The following MREG variants were observed in gnomAD, a reference collection of about 807,000 sequenced individuals.
MREG encodes melanoregulin, also known as dilute suppressor protein homolog.
A neutral mutation model predicts 28.5 loss-of-function variants in MREG; 31 were observed. The observed-to-expected ratio is 1.09, with a 90% confidence interval of 0.82 to 1.47. MREG has a LOEUF of 1.47. MREG is among the 40% of genes most tolerant of loss of function. The pLI is 0.00. For missense variants in MREG, 256 were observed against 257.4 expected (o/e 0.99, Z 0.04); for synonymous variants, 106 against 95.2 (o/e 1.11, Z -0.66).
At chr2:216,028,914 T>A (rs1344694) in intron 1 of MREG, among the ~76,000 whole-genome samples, 1 of 151,550 alleles carries the variant, frequency 6.6e-6, no homozygotes. Flanking sequence ...AAAAAGAACA[T>A]AAAAAGGAAG....
chr2:216,015,200 CGT>C (rs944930027), upstream of MREG, among the ~76,000 whole-genome samples: 5 of 151,306 alleles, frequency 3.3e-5, no homozygotes, highest in Admixed American at 2.0e-4. Flanking sequence ...TGTGCGTGTG[CGT>C]GTGTGTGTTG....
chr2:216,022,899 C>T (rs1392307958), intron 1 of MREG, among the ~76,000 whole-genome samples: 1 of 152,222 alleles, frequency 6.6e-6, no homozygotes, highest in Non-Finnish European at 1.5e-5. Flanking sequence ...GCATCAAAAA[C>T]TGTAGTAGGA....
chr2:215,989,091 C>A (rs546080990), intron 2 of MREG, among the ~76,000 whole-genome samples: 1 of 152,298 alleles, frequency 6.6e-6, no homozygotes, highest in South Asian at 2.1e-4. Context: ...CCTATGCCTC[C>A]TGACCAGGAG....
chr2:216,014,774 AAAT>A (rs1368619269), upstream of MREG, among the ~76,000 whole-genome samples: 7 of 152,152 alleles, frequency 4.6e-5, no homozygotes, highest in Non-Finnish European at 8.8e-5. Flanking sequence ...CTCCCCAAAG[AAAT>A]AATCCGAATT....
chr2:215,994,390 C>T (rs972097944), intron 2 of MREG, among the ~76,000 whole-genome samples: 17 of 151,280 alleles, frequency 1.1e-4, no homozygotes, highest in South Asian at 6.2e-4. Context: ...GGGAGGGGAA[C>T]GTCACACACT....
At chr2:216,019,173 A>G (rs1200578970) in intron 1 of MREG, among the ~76,000 whole-genome samples, 2 of 152,158 alleles carry the variant, frequency 1.3e-5, no homozygotes, top group Non-Finnish European at 2.9e-5. Context: ...ATAACTTGTC[A>G]ATCAATACTA....
At chr2:215,956,163 CAGAT>C (rs1236400907) in intron 2 of MREG, among the ~76,000 whole-genome samples, 1 of 152,168 alleles carries the variant, frequency 6.6e-6, no homozygotes, top group African/African-American at 2.4e-5. Flanking sequence ...GCCAAAGCAG[CAGAT>C]CCAGGGATCA....
At chr2:215,950,345 C>T (rs1405344389) in intron 2 of MREG, among the ~76,000 whole-genome samples, 2 of 152,282 alleles carry the variant, frequency 1.3e-5, no homozygotes, top group East Asian at 3.9e-4. Flanking sequence ...AGTCATTTTG[C>T]TATTCCTAAA....
chr2:216,029,477 A>G (rs917625426), intron 1 of MREG, among the ~76,000 whole-genome samples: 2 of 152,208 alleles, frequency 1.3e-5, no homozygotes, highest in Non-Finnish European at 2.9e-5. Flanking sequence ...CTCCATCTCA[A>G]AAGAAGGATT....
intron 2 of MREG, among the ~76,000 whole-genome samples, chr2:215,958,905 T>A (rs1692706349): frequency 6.6e-6 from 1 of 152,140 alleles, no homozygotes; most frequent in South Asian, 2.1e-4. Flanking sequence ...CTGAGTGCCA[T>A]GGGTAGTAAG....
At chr2:215,987,654 G>A (rs1693608866) in intron 2 of MREG, among the ~76,000 whole-genome samples, 1 of 152,148 alleles carries the variant, frequency 6.6e-6, no homozygotes, top group Non-Finnish European at 1.5e-5. Flanking sequence ...GCCTAGGCAG[G>A]TGGATCACCT....
intron 2 of MREG, among the ~76,000 whole-genome samples, chr2:215,976,708 G>C (rs1693270857): frequency 1.3e-5 from 2 of 152,198 alleles, no homozygotes; most frequent in Non-Finnish European, 2.9e-5. Flanking sequence ...AGCCAGAAGA[G>C]AGTGGGGGCC....
intron 2 of MREG, among the ~76,000 whole-genome samples, chr2:215,963,262 C>G (rs902968810): frequency 1.3e-5 from 2 of 151,740 alleles, no homozygotes; most frequent in African/African-American, 4.8e-5. Flanking sequence ...GAGTTCAGAC[C>G]AGCCTGGGCA....
At chr2:215,978,057 A>T (rs1425564945) in intron 2 of MREG, among the ~76,000 whole-genome samples, 3 of 152,274 alleles carry the variant, frequency 2.0e-5, no homozygotes, top group African/African-American at 7.2e-5. Context: ...GAGATAGAGA[A>T]ACAAAAAAAC....
At chr2:215,991,274 C>A (rs1389143344) in intron 2 of MREG, among the ~76,000 whole-genome samples, 1 of 152,152 alleles carries the variant, frequency 6.6e-6, no homozygotes, top group African/African-American at 2.4e-5. Flanking sequence ...AACTGAACAA[C>A]CTGTTGTTTA....
chr2:215,943,539 C>A lies in MREG; in HGVS notation c.*1324G>T. ...ACACTTCAGTTTACAGATGCTATTC[C>A]AGATAAAATGCCAAGGGCTTGGCCG... On this transcript the variant is annotated 3_prime_UTR_variant, in exon 5 of 5. Transcript: ENST00000263268. 1 of 455,978 alleles carries A rather than the reference C, an allele frequency of 2.2e-6. No individual in the cohort carries two copies. The highest frequency in any genetic ancestry group is 4.4e-6 in the Non-Finnish European group (1 of 226,554). 28.2% of individuals were successfully genotyped at this position (455,978 alleles called of 1,614,324 possible).
At chr2:216,023,827 C>G (rs1318501670) in intron 1 of MREG, among the ~76,000 whole-genome samples, 1 of 152,000 alleles carries the variant, frequency 6.6e-6, no homozygotes, top group Non-Finnish European at 1.5e-5. Context: ...ACGACCATGC[C>G]CAGTTAATTT....
chr2:216,017,653 G>A (rs949181343), upstream of MREG, among the ~76,000 whole-genome samples: 1 of 152,132 alleles, frequency 6.6e-6, no homozygotes, highest in Non-Finnish European at 1.5e-5. Context: ...TGCCATCAGT[G>A]ACTCACAGAC....
At chr2:215,970,097 CCTTA>C (rs1693049204) in intron 2 of MREG, among the ~76,000 whole-genome samples, 1 of 152,132 alleles carries the variant, frequency 6.6e-6, no homozygotes, top group Non-Finnish European at 1.5e-5. Context: ...CAGAATGTGA[CCTTA>C]TTTAGACACA....
Sources: allele counts gnomAD v4.1 joint callset (sites outside exome capture counted in the v4.1 genomes callset), GRCh38; gene constraint gnomAD v4.1.1; transcripts MANE v1.5; gene names NCBI Gene and HGNC (gene_info 2026-07-23, HGNC 2026-07-21).